Variants in ZNF541 observed in about 807,000 individuals in gnomAD.
ZNF541 encodes zinc finger protein 541.
ZNF541 carries 23 observed loss-of-function variants against 123.5 expected under a neutral mutation model. That is an observed-to-expected ratio of 0.19 (90% CI 0.13 to 0.26). ZNF541 has a LOEUF of 0.26. Among genes scored for constraint, ZNF541 ranks in the 10% least tolerant of loss-of-function variants. The pLI is 1.00. For missense variants in ZNF541, 1,612 were observed against 1,789.9 expected, an observed-to-expected ratio of 0.90 and a Z score of 1.79; for synonymous variants, 751 against 754.5, an observed-to-expected ratio of 1.00 and a Z score of 0.08.
At chr19:47,546,232 G>A (rs1354986744) in intron 4 of ZNF541, among the ~76,000 whole-genome samples, 1 of 151,666 alleles carries the variant, frequency 6.6e-6, no homozygotes, top group Admixed American at 6.6e-5. Context: ...AACCAGCGGG[G>A]CACAGTGGCT....
intron 2 of ZNF541, among the ~76,000 whole-genome samples, chr19:47,569,702 C>A (rs529409334): frequency 2.6e-5 from 4 of 151,784 alleles, no homozygotes; most frequent in African/African-American, 9.7e-5. Flanking sequence ...CGCCGCCCCC[C>A]ACCCATCTCT....
chr19:47,529,894 C>T (rs1183406040), intron 12 of ZNF541, among the ~76,000 whole-genome samples: 4 of 152,180 alleles, frequency 2.6e-5, no homozygotes, highest in African/African-American at 9.7e-5. Flanking sequence ...CCTATCCTGA[C>T]GAAGGAGACT....
Position 47,539,691 on chromosome 19 carries a change from C to G in ZNF541, c.2796+14G>C, listed in dbSNP as rs116711253. The G allele has an allele frequency of 4.5e-4, 619 of 1,384,350 alleles. 5 individuals are homozygous for G. The African/African-American group carries it at 8.6e-3, about 19-fold the overall frequency. The allele number at this position is 1,384,350 out of a possible 1,614,324, so 85.8% of individuals were successfully genotyped here. ...GGGCAGTGGCAGGAAGGAGGCAGGC[C>G]GACAAGCACCCACCATGGCCATGCT... is the stretch of plus-strand genomic sequence containing the variant. On this transcript the variant is annotated intron_variant, in intron 8 of 16. Coordinates refer to ENST00000391901, the MANE Select transcript of ZNF541 (RefSeq NM_001277075.3).
intron 3 of ZNF541, among the ~76,000 whole-genome samples, chr19:47,553,273 C>CT (rs1435765475): frequency 6.6e-6 from 1 of 151,992 alleles, no homozygotes; most frequent in African/African-American, 2.4e-5. Context: ...GAGTCTCACT[C>CT]TGTTGCCCAG....
chr19:47,527,201 T>C (rs1221332571), intron 14 of ZNF541, among the ~76,000 whole-genome samples: 1 of 152,232 alleles, frequency 6.6e-6, no homozygotes, highest in Non-Finnish European at 1.5e-5. Flanking sequence ...GATTACTATG[T>C]GGCAGGAGGA....
intron 3 of ZNF541, among the ~76,000 whole-genome samples, chr19:47,551,505 G>A (rs944906104): frequency 6.6e-6 from 1 of 151,922 alleles, no homozygotes; most frequent in Non-Finnish European, 1.5e-5. Context: ...CCAAGCAGGT[G>A]AGACTACACG....
At chr19:47,535,449 C>A (rs1042493092) in intron 9 of ZNF541, among the ~76,000 whole-genome samples, 13 of 152,178 alleles carry the variant, frequency 8.5e-5, no homozygotes, top group African/African-American at 3.1e-4. Context: ...TAGACAATAA[C>A]AAGTGTTGAC....
At position 47,539,860 on chromosome 19, in the gene ZNF541, A is replaced by G; in HGVS notation, c.2641T>C (p.Cys881Arg). ...QEPQVFGTEF[C>R]KPLRQVLRPE... ...CTCAGCACCTGTCTTAGCGGCTTGCAAAACTCTGTGCCAAACACCTAAACA... is the reference window on the plus strand; with the variant it reads ...CTCAGCACCTGTCTTAGCGGCTTGCGAAACTCTGTGCCAAACACCTAAACA... The change falls in exon 8 of 17, where the codon TGC (cysteine) becomes CGC (arginine). Residue 881 changes from cysteine to arginine, a missense_variant. By Grantham distance (180) the Cys-to-Arg change is radical. Around this residue, in one of 5 missense-constraint regions of ZNF541, gnomAD observed 1,080 missense variants for 1,013.8 expected, o/e 1.07. Transcript: ENST00000391901. 1 of 1,522,722 alleles carries G rather than the reference A, an allele frequency of 6.6e-7. No individual in the cohort carries two copies. Among genetic ancestry groups the G allele is most frequent in the Non-Finnish European group, 8.8e-7 (1 of 1,139,316 alleles). The allele number at this position is 1,522,722 out of a possible 1,614,324, so 94.3% of individuals were successfully genotyped here. A position where few individuals can be genotyped will look rare whatever the true frequency, so the allele number is the denominator to read the frequency against.
In ZNF541 at chr19:47,545,427, G is replaced by T. The variant is rs1365362686; in HGVS notation, c.1102C>A (p.Pro368Thr). ...AENGAPDPPE[P>T]EPDTALLQAR... is the part of the protein sequence containing the mutation. ...TGGAGCAGCGCGGTATCTGGCTCCG[G>T]CTCTGGCGGGTCGGGGGCGCCGTTC... Residue 368 changes from proline to threonine, a missense_variant, in exon 5 of 17, where the codon CCG (proline) becomes ACG (threonine). By Grantham distance (38) the Pro-to-Thr change is conservative. Coordinates refer to ENST00000391901, the MANE Select transcript of ZNF541 (RefSeq NM_001277075.3). This position sits in a 1 kb window ranked among gnomAD's most constrained non-coding sequence, Gnocchi z 7.5. 4.0e-6 allele frequency: 6 copies of T among 1,483,918 alleles called. No individual in the cohort carries two copies. Among genetic ancestry groups the T allele is most frequent in the Non-Finnish European group, 5.4e-6 (6 of 1,114,576 alleles). 91.9% of individuals were successfully genotyped at this position (1,483,918 alleles called of 1,614,324 possible).
intron 2 of ZNF541, among the ~76,000 whole-genome samples, chr19:47,559,814 C>T (rs1229562417): frequency 6.8e-6 from 1 of 148,138 alleles, no homozygotes; most frequent in Non-Finnish European, 1.5e-5. Flanking sequence ...TGTGCCTCTG[C>T]ACTCCAGCCT....
chr19:47,572,429 C>G (rs1367633983), intron 1 of ZNF541, among the ~76,000 whole-genome samples: 1 of 151,724 alleles, frequency 6.6e-6, no homozygotes, highest in Non-Finnish European at 1.5e-5. Context: ...AAGGGGCACT[C>G]TAGGTGTGAA....
chr19:47,533,782 C>T (rs1025707380), intron 9 of ZNF541, among the ~76,000 whole-genome samples: 4 of 151,832 alleles, frequency 2.6e-5, no homozygotes, highest in Non-Finnish European at 5.9e-5. Context: ...CAGAGTGAGC[C>T]GAGACTGTGC....
At chr19:47,530,292 C>G (rs1382616183) in intron 12 of ZNF541, among the ~76,000 whole-genome samples, 2 of 151,894 alleles carry the variant, frequency 1.3e-5, no homozygotes, top group African/African-American at 4.8e-5. Context: ...CCTCAGCCTC[C>G]CAACTAGCTG....
chr19:47,529,347 C>A (rs1462398202), intron 13 of ZNF541, among the ~76,000 whole-genome samples: 1 of 152,200 alleles, frequency 6.6e-6, no homozygotes, highest in South Asian at 2.1e-4. Flanking sequence ...GATCATTCCC[C>A]TTCCAGCTGG....
At chr19:47,531,237 G>T (rs12972906) in intron 12 of ZNF541, among the ~76,000 whole-genome samples, 1 of 52,070 alleles carries the variant, frequency 1.9e-5, no homozygotes, top group Non-Finnish European at 2.9e-5. Flanking sequence ...GTGAGCGGGG[G>T]GGGGGGGGGG....
chr19:47,563,676 G>A lies in ZNF541; in HGVS notation c.-98-7722C>T, dbSNP rs1266858829. Among the ~76,000 whole-genome samples, 6 of 152,166 alleles carry A rather than the reference G, an allele frequency of 3.9e-5. No homozygotes were observed. The East Asian group carries it at 7.7e-4, about 20-fold the overall frequency. On this transcript the variant is annotated intron_variant, in intron 2 of 16. Transcript: ENST00000391901. ...GGCTAGAGTGCAGTGGTGCAATCTC[G>A]GCTCACTGCAACCTCTGCCTCCTGG...
At chr19:47,539,593 C>T (rs1969985546) in intron 8 of ZNF541, 112 bp downstream of exon 8, 4 of 1,213,736 alleles carry the variant, frequency 3.3e-6, no homozygotes, top group Admixed American at 4.1e-5. Context: ...TGAGCCACCA[C>T]ATCCAGCCTG....
chr19:47,570,292 T>C (rs1971428660), intron 2 of ZNF541, among the ~76,000 whole-genome samples: 1 of 138,958 alleles, frequency 7.2e-6, no homozygotes, highest in East Asian at 2.2e-4. Flanking sequence ...AAAAAGTCCA[T>C]TTTGGCTGGG....
At chr19:47,551,387 G>T (rs1196196851) in intron 3 of ZNF541, among the ~76,000 whole-genome samples, 1 of 151,850 alleles carries the variant, frequency 6.6e-6, no homozygotes, top group Non-Finnish European at 1.5e-5. Context: ...TAGAGATGGG[G>T]TCTCACTATG....
Sources: gnomAD v4.1 joint callset for allele counts (sites outside exome capture counted in the v4.1 genomes callset) on GRCh38, gnomAD v4.1.1 for gene constraint, gnomAD v4.1.1 regional missense constraint, Gnocchi (gnomAD v3.1) non-coding constraint, MANE v1.5 for transcripts, NCBI Gene and HGNC (gene_info 2026-07-23, HGNC 2026-07-21) for gene names.